CACTIN: variants seen among roughly 807,000 people sequenced by gnomAD.
CACTIN encodes the protein cactin, spliceosome C complex subunit.
CACTIN carries 20 observed loss-of-function variants against 84.9 expected under a neutral mutation model. The ratio of observed to expected loss-of-function variants is 0.24; its 90% confidence interval spans 0.17 to 0.34. The LOEUF (loss-of-function observed/expected upper bound fraction) is 0.34, where lower values mean the gene tolerates loss of function less well. Among genes scored for constraint, CACTIN ranks in the 10% least tolerant of loss-of-function variants. The pLI is 1.00. For synonymous variants in CACTIN, 549 were observed against 467.9 expected, an observed-to-expected ratio of 1.17 and a Z score of -2.24; for missense variants, 897 against 1,117.2, an observed-to-expected ratio of 0.80 and a Z score of 2.81.
rs1019805762 is a variant in CACTIN at position 3,621,194 on chromosome 19, G to A, written c.643-392C>T. ...TGAGTGCTTCGGACGTGAAGGCCAC[G>A]CCCTCAGCAAGTCAGGGTCCCCCAC... is the stretch of plus-strand genomic sequence containing the variant. On this transcript the variant is annotated intron_variant, in intron 2 of 9. Transcript: ENST00000429344. Among the ~76,000 whole-genome samples the A allele has an allele frequency of 9.8e-5, 15 of 152,336 alleles. No individual in the cohort carries two copies. The South Asian group carries it at 1.5e-3, about 15-fold the overall frequency.
intron 1 of CACTIN, 26 bp downstream of exon 1, chr19:3,626,566 TCCCC>T: frequency 7.2e-7 from 1 of 1,380,704 alleles, no homozygotes; most frequent in Non-Finnish European, 9.4e-7. Flanking sequence ...AGGAGCCGGA[TCCCC>T]AGCGCTGCTC....
In CACTIN at chr19:3,617,257, C is replaced by T. The variant is rs145638137; in HGVS notation, c.1162+1618G>A. ...TCGCGCCACTCAACTCTCGCCTGGG[C>T]GACAGAGCGAGACCTTGTCTCTGAA... On this transcript the variant is annotated intron_variant, in intron 6 of 9. Coordinates refer to ENST00000429344, the MANE Select transcript of CACTIN (RefSeq NM_001080543.2). Among the ~76,000 whole-genome samples, 58 of 152,342 alleles carry T rather than the reference C, an allele frequency of 3.8e-4. 2 individuals carry two copies. In the East Asian group the frequency reaches 0.011, roughly 28 times the overall value.
rs1599884709 is a variant in CACTIN at position 3,613,718 on chromosome 19, A to G, written c.1356-132T>C. The G allele has an allele frequency of 2.3e-6, 3 of 1,329,240 alleles. No individual in the cohort carries two copies. In the African/African-American group the frequency reaches 4.4e-5, roughly 20 times the overall value. 82.3% of individuals were successfully genotyped at this position (1,329,240 alleles called of 1,614,324 possible). On this transcript the variant is annotated intron_variant, in intron 7 of 9. Transcript: ENST00000429344. ...GCGAGCAGCCACGGCTCTGGCTGGG[A>G]CCTTTGCCCAGGCTTGGTCAGTTCA... is the stretch of plus-strand genomic sequence containing the variant.
rs2145311265 is a variant in CACTIN, at chr19:3,611,916, A to G, written c.*7T>C. On this transcript the variant is annotated 3_prime_UTR_variant, in exon 10 of 10. Transcript: ENST00000429344. ...CGAGGACACCTGCCTGCCGTTCCCC[A>G]GGGCCGTCACCGCCGATAGCGGTAG... The G allele has an allele frequency of 2.5e-6, 4 of 1,612,262 alleles. No homozygotes were observed. Among genetic ancestry groups the G allele is most frequent in the Non-Finnish European group, 3.4e-6 (4 of 1,179,608 alleles).
At chr19:3,624,282 C>T (rs1355903265) in intron 1 of CACTIN, 120 bp from the exon 2 acceptor site, 7 of 906,810 alleles carry the variant, frequency 7.7e-6, no homozygotes, top group South Asian at 1.7e-5. Flanking sequence ...ACAGCAGTGA[C>T]CCAAATACCG....
At chr19:3,613,760 G>A (rs1338373104) in intron 7 of CACTIN, 174 bp from the exon 8 acceptor site, 12 of 810,718 alleles carry the variant, frequency 1.5e-5, no homozygotes, top group Non-Finnish European at 2.2e-5. Context: ...AGGCTTATGG[G>A]AGAGAGGACG....
At position 3,618,946 on chromosome 19, in the gene CACTIN, C is replaced by A. The variant is rs201581975; in HGVS notation, c.1091G>T (p.Arg364Leu). The part of the protein sequence containing the change: ...LEQGKNADFW[R>L]DMTTITEDEI... ...GTCCTCGGTGATGGTGGTCATGTCCCGCCAGAAGTCGGCGTTCTTGCCCTG... is the reference window on the plus strand; with the variant it reads ...GTCCTCGGTGATGGTGGTCATGTCCAGCCAGAAGTCGGCGTTCTTGCCCTG... Residue 364 changes from arginine (R) to leucine (L), a missense_variant, in exon 6 of 10, where the codon CGG becomes CTG. By Grantham distance (102) the Arg-to-Leu change is moderately radical. Around this residue, in one of 8 missense-constraint regions of CACTIN, gnomAD observed 304 missense variants for 444.3 expected, o/e 0.68. Coordinates refer to ENST00000429344, the MANE Select transcript of CACTIN (RefSeq NM_001080543.2). The A allele has an allele frequency of 6.4e-7, 1 of 1,559,346 alleles. No individual in the cohort carries two copies. The highest frequency in any genetic ancestry group is 2.4e-5 in the East Asian group (1 of 41,520).
chr19:3,621,116 C>T (rs566080325), intron 2 of CACTIN: 2 of 474,538 alleles, frequency 4.2e-6, no homozygotes, highest in East Asian at 4.2e-5. Context: ...CCACCCCAGC[C>T]CCCAACAGAA....
chr19:3,624,208 T>A (rs760267108), intron 1 of CACTIN, 46 bp from the exon 2 acceptor site: 2 of 1,472,590 alleles, frequency 1.4e-6, no homozygotes, highest in Admixed American at 2.1e-5. Context: ...GCAGCTGTCA[T>A]CTGCTCCACA....
Position 3,623,674 on chromosome 19 carries a change from C to A in CACTIN, c.642+14G>T. On this transcript the variant is annotated intron_variant, in intron 2 of 9. Coordinates refer to ENST00000429344, the MANE Select transcript of CACTIN (RefSeq NM_001080543.2). ...ATGCTACAGGGACAGAGGCCACCAC[C>A]CGGCGGGGCCCACCTTATTCCAGAT... 6.3e-7 allele frequency: 1 copy of A among 1,582,182 alleles called. No homozygotes were observed. The highest frequency in any genetic ancestry group is 8.6e-7 in the Non-Finnish European group (1 of 1,161,418).
At chr19:3,624,323 G>A (rs764290933) in intron 1 of CACTIN, among the ~76,000 whole-genome samples, 161 bp from the exon 2 acceptor site, 1 of 152,198 alleles carries the variant, frequency 6.6e-6, no homozygotes, top group Non-Finnish European at 1.5e-5. Context: ...CTCACCCTCT[G>A]GTGGGCCCCA....
At chr19:3,625,024 G>A (rs941388629) in intron 1 of CACTIN, among the ~76,000 whole-genome samples, 3 of 152,138 alleles carry the variant, frequency 2.0e-5, no homozygotes, top group Non-Finnish European at 4.4e-5. Context: ...CTGAGTAGCG[G>A]GGACTACAGG....
chr19:3,614,252 C>A lies in CACTIN; in HGVS notation c.1355+145G>T. ...CCCCCCTTCGTCACTCACAGGCTGG[C>A]CCCGGCCAGTCGGCACTTTCCTGCC... On this transcript the variant is annotated intron_variant, in intron 7 of 9. Coordinates refer to ENST00000429344, the MANE Select transcript of CACTIN (RefSeq NM_001080543.2). 4.7e-6 allele frequency: 4 copies of A among 858,466 alleles called. No individual in the cohort carries two copies. The South Asian group carries it at 6.5e-5, about 14-fold the overall frequency. The allele number at this position is 858,466 out of a possible 1,614,324, so 53.2% of individuals were successfully genotyped here. A position where few individuals can be genotyped will look rare whatever the true frequency, so the allele number is the denominator to read the frequency against.
Position 3,623,700 on chromosome 19 carries a change from G to A in CACTIN, c.630C>T (p.Phe210=). The change falls in exon 2 of 10, where the codon TTC becomes TTT. Residue 210 remains phenylalanine, a synonymous_variant. Transcript: ENST00000429344. ...PFGDNNLLGT[F]IWNKALEKKG... ...CGGCGGGGCCCACCTTATTCCAGAT[G>A]AAGGTGCCCAGCAGGTTGTTGTCTC... 6.2e-7 allele frequency: 1 copy of A among 1,608,192 alleles called. No homozygotes were observed. The highest frequency in any genetic ancestry group is 8.5e-7 in the Non-Finnish European group (1 of 1,176,142).
chr19:3,621,612 T>C (rs562966875), intron 2 of CACTIN, among the ~76,000 whole-genome samples: 3 of 152,162 alleles, frequency 2.0e-5, no homozygotes, highest in South Asian at 2.1e-4. Context: ...TCCTCCTCCA[T>C]GGCTGCCCGC....
In CACTIN at chr19:3,611,891, C is replaced by T. The variant is rs751436538; in HGVS notation, c.*32G>A. 7.5e-6 allele frequency: 12 copies of T among 1,606,882 alleles called. 1 individual carries two copies. Among genetic ancestry groups the T allele is most frequent in the Admixed American group, 1.7e-5 (1 of 59,160 alleles). ...CACCGAAGCCCCTTTACTGTGCCCC[C>T]GAGGACACCTGCCTGCCGTTCCCCA... On this transcript the variant is annotated 3_prime_UTR_variant, in exon 10 of 10. Transcript: ENST00000429344.
chr19:3,623,890 C>T lies in CACTIN; in HGVS notation c.440G>A (p.Arg147Gln), dbSNP rs775091397. ...QQSLQERLRL[R>Q]EERKQQEELM... ...CTCCTCCTGCTGCTTCCGCTCCTCC[C>T]GCAGCCGCAGCCGCTCCTGCAGGCT... is the stretch of plus-strand genomic sequence containing the variant. The change falls in exon 2 of 10, where the codon CGG becomes CAG. Residue 147 changes from arginine to glutamine, a missense_variant. By Grantham distance (43) the Arg-to-Gln change is conservative. Transcript: ENST00000429344. 20 of 1,605,970 alleles carry T rather than the reference C, an allele frequency of 1.2e-5. No individual in the cohort carries two copies. The highest frequency in any genetic ancestry group is 1.7e-4 in the Middle Eastern group (1 of 6,058).
At chr19:3,617,236 G>A (rs546700871) in intron 6 of CACTIN, among the ~76,000 whole-genome samples, 5 of 152,240 alleles carry the variant, frequency 3.3e-5, no homozygotes, top group African/African-American at 7.2e-5. Flanking sequence ...CCTTGATCGC[G>A]CCACTCAACT....
chr19:3,614,888 C>T lies in CACTIN; in HGVS notation c.1163-299G>A. ...GACTGGCCCTGAGAATGCCCCTCCC[C>T]AGGTGAGTCTGATATGTGGGTCTGG... On this transcript the variant is annotated intron_variant, in intron 6 of 9. Transcript: ENST00000429344. The T allele has an allele frequency of 1.3e-5, 6 of 476,608 alleles. No homozygotes were observed. In the South Asian group the frequency reaches 1.3e-4, roughly 10 times the overall value. 29.5% of individuals were successfully genotyped at this position (476,608 alleles called of 1,614,324 possible).
Sources: gnomAD v4.1 joint callset for allele counts (sites outside exome capture counted in the v4.1 genomes callset) on GRCh38, gnomAD v4.1.1 for gene constraint, gnomAD v4.1.1 regional missense constraint, MANE v1.5 for transcripts, NCBI Gene and HGNC (gene_info 2026-07-23, HGNC 2026-07-21) for gene names.